CCHCR1: variants seen among roughly 807,000 people sequenced by gnomAD.
CCHCR1 encodes coiled-coil alpha-helical rod protein 1.
In CCHCR1, 91 loss-of-function variants were observed where a neutral mutation model predicts 114.6. The observed-to-expected ratio is 0.79, with a 90% CI of 0.67 to 0.94. The LOEUF is 0.94. CCHCR1 is among the 40% of genes least tolerant of loss of function. CCHCR1 has a pLI of 0.00. For synonymous variants in CCHCR1, 379 were observed against 428.5 expected, an observed-to-expected ratio of 0.88 and a Z score of 1.43; for missense variants, 899 against 1,079.9, an observed-to-expected ratio of 0.83 and a Z score of 2.35.
chr6:31,145,777 T>A lies in CCHCR1; in HGVS notation c.1612A>T (p.Lys538Ter). 1.9e-6 allele frequency: 3 copies of A among 1,613,040 alleles called. No individual in the cohort carries two copies. Among genetic ancestry groups the A allele is most frequent in the Non-Finnish European group, 2.5e-6 (3 of 1,179,916 alleles). The change falls in exon 11 of 18, where the codon AAG becomes TAG. Residue 538 changes from lysine (K) to a stop codon, truncating the protein, a stop_gained. Coordinates refer to ENST00000396268, the MANE Select transcript of CCHCR1 (RefSeq NM_001105564.2). LOFTEE classifies it high-confidence loss of function. ...AGCTGGGCGGCAGCCCCTTCCACCTTAGCCATGGTGGTCTCGAGCCAGATC... is the reference window on the plus strand; with the variant it reads ...AGCTGGGCGGCAGCCCCTTCCACCTAAGCCATGGTGGTCTCGAGCCAGATC... The part of the protein sequence containing the change: ...SQIWLETTMA[K>*]VEGAAAQLPS...
chr6:31,149,803 G>T, intron 8 of CCHCR1: 2 of 465,808 alleles, frequency 4.3e-6, no homozygotes, highest in Non-Finnish European at 7.7e-6. Context: ...AGGAGTTCAA[G>T]ACCAAAGTGA....
upstream of CCHCR1, chr6:31,158,017 A>C: frequency 4.0e-6 from 1 of 249,948 alleles, no homozygotes; most frequent in Non-Finnish European, 8.0e-6. Context: ...TCACCCAGTT[A>C]GCCCGTGAGC....
In CCHCR1 at chr6:31,154,259, G is replaced by A. The variant is rs1336150365; in HGVS notation, c.801+237C>T. On this transcript the variant is annotated intron_variant, in intron 4 of 17. Coordinates refer to ENST00000396268, the MANE Select transcript of CCHCR1 (RefSeq NM_001105564.2). The surrounding 1 kb of genome is among the most constrained non-coding windows in gnomAD (Gnocchi z 4.1). ...CTATTTCCTACTAGAAAGGGAAGCA[G>A]GGCTTCAAGTGGTGGGAGGCCACCT... Among the ~76,000 whole-genome samples the A allele has an allele frequency of 6.6e-6, 1 of 152,174 alleles. No individual in the cohort carries two copies. The highest frequency in any genetic ancestry group is 2.4e-5 in the African/African-American group (1 of 41,442).
chr6:31,155,165 T>C (rs568682773), intron 3 of CCHCR1, among the ~76,000 whole-genome samples: 1 of 152,334 alleles, frequency 6.6e-6, no homozygotes, highest in African/African-American at 2.4e-5. Context: ...TTTTTATTTT[T>C]AGGCCACACA....
At chr6:31,147,430 C>T (rs1265070) in intron 10 of CCHCR1, among the ~76,000 whole-genome samples, 20,725 of 148,062 alleles carry the variant, frequency 0.14, 1,611 homozygotes, top group East Asian at 0.3. Context: ...AAAGAACTAC[C>T]TGCCTTGGGT....
Position 31,150,489 on chromosome 6 carries a change from ATG to A in CCHCR1, c.1176_1177del (p.Ile393ProfsTer21). 1 of 1,612,480 alleles carries A rather than the reference ATG, an allele frequency of 6.2e-7. No homozygotes were observed. Among genetic ancestry groups the A allele is most frequent in the Non-Finnish European group, 8.5e-7 (1 of 1,179,892 alleles). On this transcript the variant is annotated frameshift_variant, in exon 7 of 18. Transcript: ENST00000396268. LOFTEE classifies it high-confidence loss of function. The surrounding 1 kb of genome is among the most constrained non-coding windows in gnomAD (Gnocchi z 5.3). ...CAGCTCCTCCTCCTGCAGGGCGAGG[ATG>A]TGTGTGAGGCTCTGCACCCGCACCT...
At chr6:31,146,001 G>A (rs1774277592) in intron 10 of CCHCR1, among the ~76,000 whole-genome samples, 193 bp from the exon 11 acceptor site, 1 of 152,134 alleles carries the variant, frequency 6.6e-6, no homozygotes, top group African/African-American at 2.4e-5. Flanking sequence ...AACCTGTTAA[G>A]CTTATTTCTC....
intron 10 of CCHCR1, among the ~76,000 whole-genome samples, chr6:31,147,828 G>A (rs1478232634): frequency 6.6e-6 from 1 of 151,998 alleles, no homozygotes; most frequent in African/African-American, 2.4e-5. Context: ...TTAGCCGGGT[G>A]TAGTGGAGGA....
At chr6:31,158,184 T>C (rs16898870), upstream of CCHCR1, 6,545 of 132,850 alleles carry the variant, frequency 0.049, 217 homozygotes, top group South Asian at 0.098. Context: ...GAGAGCCCCC[T>C]ACTGCGCTTT....
Position 31,144,536 on chromosome 6 carries a change from T to A in CCHCR1, c.2167+151A>T. 1 of 653,452 alleles carries A rather than the reference T, an allele frequency of 1.5e-6. No homozygotes were observed. Among genetic ancestry groups the A allele is most frequent in the Non-Finnish European group, 2.7e-6 (1 of 368,574 alleles). The allele number at this position is 653,452 out of a possible 1,614,324, so 40.5% of individuals were successfully genotyped here. ...TCTGGTGCTGGCTACATGGGTGTGT[T>A]CACGATGTGATAATTCATCTGTGCT... On this transcript the variant is annotated intron_variant, in intron 15 of 17. Coordinates refer to ENST00000396268, the MANE Select transcript of CCHCR1 (RefSeq NM_001105564.2). This position sits in a 1 kb window ranked among gnomAD's most constrained non-coding sequence, Gnocchi z 4.6.
rs868155403 is a variant in CCHCR1 at position 31,144,641 on chromosome 6, C to T, written c.2167+46G>A. 1.5e-5 allele frequency: 18 copies of T among 1,225,320 alleles called. No homozygotes were observed. The Middle Eastern group carries it at 7.8e-4, about 53-fold the overall frequency. 75.9% of individuals were successfully genotyped at this position (1,225,320 alleles called of 1,614,324 possible). ...GGAAAATAATAACCTTATGTCTTAACACTTCCTTCTTCCTGGAAGGCCCTA... is the reference window on the plus strand; with the variant it reads ...GGAAAATAATAACCTTATGTCTTAATACTTCCTTCTTCCTGGAAGGCCCTA... On this transcript the variant is annotated intron_variant, in intron 15 of 17. Transcript: ENST00000396268. The surrounding 1 kb of genome is among the most constrained non-coding windows in gnomAD (Gnocchi z 4.6).
intron 4 of CCHCR1, among the ~76,000 whole-genome samples, chr6:31,152,168 G>A (rs1247320152): frequency 4.6e-5 from 7 of 151,172 alleles, no homozygotes; most frequent in African/African-American, 1.5e-4. Context: ...GGTGGCGGGC[G>A]CCTGTAGTCC....
Position 31,151,336 on chromosome 6 carries a change from T to A in CCHCR1, c.802-214A>T, listed in dbSNP as rs1195474937. On this transcript the variant is annotated intron_variant, in intron 4 of 17. Coordinates refer to ENST00000396268, the MANE Select transcript of CCHCR1 (RefSeq NM_001105564.2). This position sits in a 1 kb window ranked among gnomAD's most constrained non-coding sequence, Gnocchi z 4.1. ...CTCCCCCAAAACATATCTTCACCTC[T>A]CTGTCTCCGTCTCCACTGCCACCAA... Among the ~76,000 whole-genome samples the A allele has an allele frequency of 6.6e-6, 1 of 152,186 alleles. No individual in the cohort carries two copies. Among genetic ancestry groups the A allele is most frequent in the Non-Finnish European group, 1.5e-5 (1 of 68,020 alleles).
At position 31,144,045 on chromosome 6, in the gene CCHCR1, A is replaced by G. The variant is rs1437617183; in HGVS notation, c.2168-632T>C. ...CTGCACTCCAGCTGGTGACAGAGGA[A>G]GACTCTGTCTCAAACAACAACAACA... On this transcript the variant is annotated intron_variant, in intron 15 of 17. Coordinates refer to ENST00000396268, the MANE Select transcript of CCHCR1 (RefSeq NM_001105564.2). The surrounding 1 kb of genome is among the most constrained non-coding windows in gnomAD (Gnocchi z 4.6). Among the ~76,000 whole-genome samples the G allele has an allele frequency of 6.7e-6, 1 of 149,138 alleles. No homozygotes were observed. The highest frequency in any genetic ancestry group is 1.5e-5 in the Non-Finnish European group (1 of 67,534).
Position 31,143,953 on chromosome 6 carries a change from G to A in CCHCR1, c.2168-540C>T, listed in dbSNP as rs772709801. ...GGGCGCCTGTAATCCCAGCTACTTG[G>A]GAGGCTGAGCCAGGAGAATGGCTTG... On this transcript the variant is annotated intron_variant, in intron 15 of 17. Transcript: ENST00000396268. This position sits in a 1 kb window ranked among gnomAD's most constrained non-coding sequence, Gnocchi z 5.3. Among the ~76,000 whole-genome samples the A allele has an allele frequency of 6.6e-6, 1 of 152,108 alleles. No homozygotes were observed. The highest frequency in any genetic ancestry group is 1.5e-5 in the Non-Finnish European group (1 of 68,030).
intron 4 of CCHCR1, among the ~76,000 whole-genome samples, chr6:31,152,299 A>C (rs1316747791): frequency 8.8e-5 from 13 of 148,202 alleles, no homozygotes; most frequent in African/African-American, 1.2e-4. Context: ...AAAAAAAAAC[A>C]ACCTTTCAAC....
At position 31,150,143 on chromosome 6, in the gene CCHCR1, T is replaced by C; in HGVS notation, c.1285A>G (p.Lys429Glu). ...AGCTGCACCATGAGGGCAAACACCT[T>C]CTCCCGCCAGCGGTTCAGCAGGGAC... ...CQSLLNRWREKVFALMVQLKA... is the reference protein window; with the variant it reads ...CQSLLNRWREEVFALMVQLKA... Residue 429 changes from lysine to glutamate, a missense_variant, in exon 8 of 18, where the codon AAG becomes GAG. Transcript: ENST00000396268. This position sits in a 1 kb window ranked among gnomAD's most constrained non-coding sequence, Gnocchi z 5.3. The C allele has an allele frequency of 6.2e-7, 1 of 1,614,164 alleles. No homozygotes were observed. Among genetic ancestry groups the C allele is most frequent in the Non-Finnish European group, 8.5e-7 (1 of 1,180,016 alleles).
chr6:31,157,267 C>T (rs2151073991), intron 1 of CCHCR1, 118 bp downstream of exon 1: 1 of 1,045,530 alleles, frequency 9.6e-7, no homozygotes, highest in Non-Finnish European at 1.4e-6. Flanking sequence ...CTTGTCTCAA[C>T]CTGGTTCCTC....
chr6:31,150,608 C>T lies in CCHCR1; in HGVS notation c.1102-43G>A, dbSNP rs1336025976. 15 of 1,593,866 alleles carry T rather than the reference C, an allele frequency of 9.4e-6. No individual in the cohort carries two copies. Among genetic ancestry groups the T allele is most frequent in the South Asian group, 2.2e-5 (2 of 89,688 alleles). Reference sequence around the variant, plus strand: ...CAGCCCCTCTGTAGGGCCTCCATGCCGCCTTAGGTACCACCTTCTCTCCCG... The same window carrying T: ...CAGCCCCTCTGTAGGGCCTCCATGCTGCCTTAGGTACCACCTTCTCTCCCG... On this transcript the variant is annotated intron_variant, in intron 6 of 17. Transcript: ENST00000396268. The surrounding 1 kb of genome is among the most constrained non-coding windows in gnomAD (Gnocchi z 5.3).
Sources: allele counts gnomAD v4.1 joint callset (sites outside exome capture counted in the v4.1 genomes callset), GRCh38; gene constraint gnomAD v4.1.1; non-coding constraint Gnocchi (gnomAD v3.1); transcripts MANE v1.5; gene names NCBI Gene and HGNC (gene_info 2026-07-23, HGNC 2026-07-21).